Variants in GSTCD observed in about 807,000 individuals in gnomAD.
GSTCD encodes glutathione S-transferase C-terminal domain-containing protein.
In GSTCD, 44 loss-of-function variants were observed where a neutral mutation model predicts 68.3. The observed-to-expected ratio is 0.64, with a 90% CI of 0.51 to 0.83. The LOEUF (loss-of-function observed/expected upper bound fraction) is 0.83, where lower values mean the gene tolerates loss of function less well. Among genes scored for constraint, GSTCD ranks in the 40% least tolerant of loss-of-function variants. The pLI is 0.00. For synonymous variants in GSTCD, 273 were observed against 255.2 expected (o/e 1.07, Z -0.67); for missense variants, 739 against 735.9 (o/e 1.00, Z -0.05).
chr4:105,718,984 T>G, intron 2 of GSTCD, 76 bp from the exon 3 acceptor site: 1 of 1,159,174 alleles, frequency 8.6e-7, no homozygotes, highest in South Asian at 1.5e-5. Flanking sequence ...TATTTCCCAA[T>G]AAGACAGTTA....
chr4:105,747,386 A>T (rs1733841782), intron 5 of GSTCD, among the ~76,000 whole-genome samples: 1 of 152,218 alleles, frequency 6.6e-6, no homozygotes, highest in Non-Finnish European at 1.5e-5. Flanking sequence ...AGTTTCTCTT[A>T]CAGGTCTGGG....
intron 5 of GSTCD, among the ~76,000 whole-genome samples, chr4:105,768,023 T>C (rs1240839702): frequency 6.6e-6 from 1 of 151,540 alleles, no homozygotes; most frequent in Non-Finnish European, 1.5e-5. Context: ...TGAGAAGAAA[T>C]AGTGTAAAAA....
chr4:105,731,594 C>T (rs1331703958), intron 5 of GSTCD, among the ~76,000 whole-genome samples: 1 of 152,174 alleles, frequency 6.6e-6, no homozygotes, highest in Non-Finnish European at 1.5e-5. Flanking sequence ...TGTGACTTTG[C>T]TGAAGTTGCT....
At chr4:105,800,360 C>T (rs747260008) in intron 5 of GSTCD, among the ~76,000 whole-genome samples, 3 of 152,160 alleles carry the variant, frequency 2.0e-5, no homozygotes, top group Non-Finnish European at 4.4e-5. Context: ...CCACCAGGTT[C>T]CTCCCAGGAC....
At chr4:105,793,281 A>G (rs1180828775) in intron 5 of GSTCD, among the ~76,000 whole-genome samples, 4 of 152,012 alleles carry the variant, frequency 2.6e-5, no homozygotes, top group Non-Finnish European at 5.9e-5. Flanking sequence ...CAATTTTGTC[A>G]AGACCTTTGT....
At position 105,842,287 on chromosome 4, in the gene GSTCD, T is replaced by G. The variant is rs184161568; in HGVS notation, c.1765+153T>G. On this transcript the variant is annotated intron_variant, in intron 11 of 11. Transcript: ENST00000515279. ...TCTTCCCAAAAAAACTTAATTCATA[T>G]TGAAAAGGGTATTGTAACTATAACA... Among the ~76,000 whole-genome samples, 416 of 152,344 alleles carry G rather than the reference T, an allele frequency of 2.7e-3. 4 individuals carry two copies. The highest frequency in any genetic ancestry group is 9.3e-3 in the African/African-American group (388 of 41,582).
intron 5 of GSTCD, among the ~76,000 whole-genome samples, chr4:105,739,191 G>A (rs943091519): frequency 2.6e-5 from 4 of 152,164 alleles, no homozygotes; most frequent in African/African-American, 9.7e-5. Context: ...AATTCCACTT[G>A]ATCATGGTAA....
At chr4:105,766,885 C>CTTTTTTTTTT (rs1491149179) in intron 5 of GSTCD, among the ~76,000 whole-genome samples, 9 of 23,060 alleles carry the variant, frequency 3.9e-4, no homozygotes, top group African/African-American at 1.6e-3. Flanking sequence ...AGGTTTTTGA[C>CTTTTTTTTTT]TCTTTTTTTT....
At chr4:105,736,868 A>G (rs1733480133) in intron 5 of GSTCD, among the ~76,000 whole-genome samples, 1 of 152,162 alleles carries the variant, frequency 6.6e-6, no homozygotes, top group African/African-American at 2.4e-5. Context: ...TTTATTTAAC[A>G]TAATTTCCTC....
At chr4:105,717,207 C>G (rs550408492) in intron 1 of GSTCD, among the ~76,000 whole-genome samples, 2 of 152,280 alleles carry the variant, frequency 1.3e-5, no homozygotes, top group Admixed American at 6.5e-5. Flanking sequence ...GAAGGACCAG[C>G]ACTGTCAAAA....
chr4:105,760,428 C>T (rs1313719656), intron 5 of GSTCD, among the ~76,000 whole-genome samples: 1 of 152,086 alleles, frequency 6.6e-6, no homozygotes, highest in African/African-American at 2.4e-5. Flanking sequence ...TCTCTTAATC[C>T]TCTCTTTTCT....
intron 5 of GSTCD, among the ~76,000 whole-genome samples, chr4:105,755,004 G>A (rs1239125716): frequency 8.0e-6 from 1 of 125,222 alleles, no homozygotes; most frequent in Non-Finnish European, 1.6e-5. Flanking sequence ...AGGATCACTT[G>A]TGTCCAGGAG....
At chr4:105,710,282 G>C (rs1339789203) in intron 1 of GSTCD, among the ~76,000 whole-genome samples, 1 of 126,666 alleles carries the variant, frequency 7.9e-6, no homozygotes, top group African/African-American at 3.3e-5. Flanking sequence ...CTGTCGCCTG[G>C]GGATGGATTG....
chr4:105,834,416 G>A (rs774913434), intron 8 of GSTCD, 45 bp from the exon 9 acceptor site: 15 of 1,596,208 alleles, frequency 9.4e-6, no homozygotes, highest in Non-Finnish European at 1.3e-5. Flanking sequence ...ATTGCACTGT[G>A]AGTTAAGAGG....
intron 5 of GSTCD, among the ~76,000 whole-genome samples, chr4:105,805,016 C>T (rs1450301248): frequency 6.6e-6 from 1 of 151,972 alleles, no homozygotes; most frequent in African/African-American, 2.4e-5. Flanking sequence ...GATTTTATTT[C>T]TCCTTCATAT....
chr4:105,756,875 G>A (rs562477552), intron 5 of GSTCD, among the ~76,000 whole-genome samples: 7 of 152,062 alleles, frequency 4.6e-5, no homozygotes, highest in African/African-American at 1.2e-4. Context: ...CACACTGTCC[G>A]TCAATCAGCA....
At chr4:105,842,040 C>A (rs922827737) in intron 10 of GSTCD, 25 bp from the exon 11 acceptor site, 5 of 1,584,126 alleles carry the variant, frequency 3.2e-6, no homozygotes, top group Non-Finnish European at 4.3e-6. Context: ...AAAATAAACC[C>A]ACATTCTATT....
At chr4:105,834,251 A>T (rs1318115626) in intron 8 of GSTCD, among the ~76,000 whole-genome samples, 1 of 152,130 alleles carries the variant, frequency 6.6e-6, no homozygotes, top group Admixed American at 6.5e-5. Context: ...CCACACTAAA[A>T]TTGCATCAAA....
At chr4:105,816,450 C>T (rs1722995423) in intron 5 of GSTCD, among the ~76,000 whole-genome samples, 1 of 152,056 alleles carries the variant, frequency 6.6e-6, no homozygotes, top group Non-Finnish European at 1.5e-5. Flanking sequence ...GTTCATTAAA[C>T]AGAGTGACTT....
Sources: allele counts gnomAD v4.1 joint callset (sites outside exome capture counted in the v4.1 genomes callset), GRCh38; gene constraint gnomAD v4.1.1; transcripts MANE v1.5; gene names NCBI Gene and HGNC (gene_info 2026-07-23, HGNC 2026-07-21).